Variants in TRMT9B observed in about 807,000 individuals in gnomAD.
The protein encoded by TRMT9B is tRNA methyltransferase 9B (putative).
A neutral mutation model predicts 11.5 loss-of-function variants in TRMT9B; 16 were observed. That is an observed-to-expected ratio of 1.39 (90% CI 0.94 to 2.11). The LOEUF (loss-of-function observed/expected upper bound fraction) is 2.11. Among genes scored for constraint, TRMT9B ranks in the 30% most tolerant of loss-of-function variants. The pLI is 0.00. For synonymous variants in TRMT9B, 274 were observed against 192.4 expected (o/e 1.42, Z -3.51); for missense variants, 941 against 553.8 (o/e 1.70, Z -7.02).
chr8:12,969,909 A>G (rs1803356314), intron 1 of TRMT9B: 1 of 150,580 alleles, frequency 6.6e-6, no homozygotes, highest in South Asian at 2.1e-4. Flanking sequence ...CTGGTCTCAA[A>G]CTGACCTCAA....
chr8:12,959,703 T>G (rs539326071), intron 1 of TRMT9B, among the ~76,000 whole-genome samples: 4 of 151,866 alleles, frequency 2.6e-5, no homozygotes, highest in African/African-American at 9.7e-5. Flanking sequence ...TTAGTTTTTG[T>G]GTATACTAGG....
rs148363392 is a variant in TRMT9B, at chr8:13,027,352, A to T, written c.*5308A>T. 6.0e-6 allele frequency: 1 copy of T among 167,190 alleles called. No homozygotes were observed. The highest frequency in any genetic ancestry group is 2.4e-5 in the African/African-American group (1 of 41,588). The allele number at this position is 167,190 out of a possible 1,614,324, so 10.4% of individuals were successfully genotyped here. Reference sequence around the variant, plus strand: ...ACAACAAACAACCCTCCCTTAGAGAATCATGATGCATATTAGCATATTTAA... The same window carrying T: ...ACAACAAACAACCCTCCCTTAGAGATTCATGATGCATATTAGCATATTTAA... On this transcript the variant is annotated 3_prime_UTR_variant, in exon 5 of 5. Transcript: ENST00000524591.
rs1159065975 is a variant in TRMT9B at position 13,026,110 on chromosome 8, C to T, written c.*4066C>T. 6.0e-6 allele frequency: 1 copy of T among 166,958 alleles called. No homozygotes were observed. The highest frequency in any genetic ancestry group is 1.5e-5 in the Non-Finnish European group (1 of 68,104). 10.3% of individuals were successfully genotyped at this position (166,958 alleles called of 1,614,324 possible). On this transcript the variant is annotated 3_prime_UTR_variant, in exon 5 of 5. Transcript: ENST00000524591. The stretch of plus-strand genomic sequence containing the variant: ...AGGTTAAATATGAGCTGTGAGCCCC[C>T]AGTTTTGGAGGAAGGAGGAAATGGG...
intron 1 of TRMT9B, among the ~76,000 whole-genome samples, chr8:12,974,005 T>TAAA (rs151131766): frequency 6.6e-6 from 1 of 151,646 alleles, no homozygotes; most frequent in East Asian, 1.9e-4. Context: ...AAAAATATAT[T>TAAA]AAAATTTTTT....
chr8:13,021,165 G>C lies in TRMT9B; in HGVS notation c.486G>C (p.Arg162Ser), dbSNP rs200382219. 44 of 1,613,938 alleles carry C rather than the reference G, an allele frequency of 2.7e-5. No homozygotes were observed. In the Middle Eastern group the frequency reaches 5.0e-4, roughly 18 times the overall value. ...AAGACGTGCTTGTTCCATGGAACAG[G>C]GCTCTGTGTTCCCAGCTCTTCTCAG... ...EKQDVLVPWN[R>S]ALCSQLFSES... is the part of the protein sequence containing the mutation. The change falls in exon 5 of 5, where the codon AGG becomes AGC. Residue 162 changes from arginine (R) to serine (S), a missense_variant. Transcript: ENST00000524591.
At chr8:12,983,140 A>T (rs1019880838) in intron 1 of TRMT9B, among the ~76,000 whole-genome samples, 5 of 152,324 alleles carry the variant, frequency 3.3e-5, no homozygotes, top group African/African-American at 4.8e-5. Context: ...AGTAACACTG[A>T]TGAGAAAAAG....
At chr8:12,976,223 A>G (rs1392803745) in intron 1 of TRMT9B, among the ~76,000 whole-genome samples, 1 of 152,154 alleles carries the variant, frequency 6.6e-6, no homozygotes, top group Non-Finnish European at 1.5e-5. Context: ...TCTATGTATA[A>G]CAAAGCCACT....
chr8:13,018,790 T>C (rs1329655178), intron 4 of TRMT9B, among the ~76,000 whole-genome samples: 1 of 152,208 alleles, frequency 6.6e-6, no homozygotes, highest in Admixed American at 6.5e-5. Context: ...AACGAAGTTA[T>C]CTAACTCGTA....
chr8:12,969,620 T>G (rs1385836192), intron 1 of TRMT9B, among the ~76,000 whole-genome samples: 1 of 152,094 alleles, frequency 6.6e-6, no homozygotes, highest in African/African-American at 2.4e-5. Context: ...TATTTTTTAT[T>G]TTTTCCTAAT....
intron 3 of TRMT9B, among the ~76,000 whole-genome samples, chr8:13,008,788 G>C (rs546307619): frequency 2.0e-4 from 30 of 152,278 alleles, no homozygotes; most frequent in African/African-American, 6.7e-4. Context: ...GAGTGCAGGG[G>C]CGCCATCTCG....
At chr8:12,970,084 A>G (rs1026198514) in intron 1 of TRMT9B, 2 of 152,232 alleles carry the variant, frequency 1.3e-5, no homozygotes, top group Admixed American at 1.3e-4. Context: ...TGGTGACCTC[A>G]CTGTTGCTGA....
chr8:12,964,659 C>T (rs968966598), intron 1 of TRMT9B, among the ~76,000 whole-genome samples: 3 of 152,210 alleles, frequency 2.0e-5, no homozygotes, highest in Admixed American at 6.5e-5. Context: ...ATTGTAGCCT[C>T]AAACTCCCGG....
chr8:13,004,133 A>G (rs1183386531), intron 2 of TRMT9B, among the ~76,000 whole-genome samples: 1 of 151,860 alleles, frequency 6.6e-6, no homozygotes, highest in Non-Finnish European at 1.5e-5. Flanking sequence ...GCCAGAGGGG[A>G]ATTGCTGGTC....
chr8:12,962,562 C>G (rs903567528), intron 1 of TRMT9B, among the ~76,000 whole-genome samples: 1 of 152,090 alleles, frequency 6.6e-6, no homozygotes, highest in Admixed American at 6.6e-5. Flanking sequence ...GTGATCTTGG[C>G]TCACTGCAAC....
rs113485357 is a variant in TRMT9B, at chr8:13,028,622, C to T, written c.*6578C>T. ...ACAGTGTCTCACTCTGTCACCCAGG[C>T]TGGAGGGCAGTAGTGCAGTCTCAGC... On this transcript the variant is annotated 3_prime_UTR_variant, in exon 5 of 5. Coordinates refer to ENST00000524591, the MANE Select transcript of TRMT9B (RefSeq NM_020844.3). 2,764 of 141,492 alleles carry T rather than the reference C, an allele frequency of 0.02. 66 individuals carry two copies. The highest frequency in any genetic ancestry group is 0.053 in the African/African-American group (1,981 of 37,390). 8.8% of individuals were successfully genotyped at this position (141,492 alleles called of 1,614,324 possible).
intron 1 of TRMT9B, among the ~76,000 whole-genome samples, chr8:12,974,574 A>T (rs1287177278): frequency 2.0e-5 from 3 of 152,226 alleles, no homozygotes; most frequent in Non-Finnish European, 4.4e-5. Context: ...GCCTCGTTCC[A>T]GACAACAGGT....
intron 1 of TRMT9B, among the ~76,000 whole-genome samples, chr8:12,974,653 C>T (rs564042707): frequency 5.7e-4 from 86 of 150,946 alleles, no homozygotes; most frequent in Non-Finnish European, 3.1e-4. Context: ...GTACTGCCTG[C>T]GTTGCAGTGA....
intron 1 of TRMT9B, among the ~76,000 whole-genome samples, chr8:12,984,393 C>A (rs1314445897): frequency 1.3e-5 from 2 of 152,184 alleles, no homozygotes. Flanking sequence ...CACGTTTCCC[C>A]TTAATTCAGC....
intron 1 of TRMT9B, among the ~76,000 whole-genome samples, chr8:12,947,177 AG>A: frequency 6.6e-6 from 1 of 152,162 alleles, no homozygotes; most frequent in Non-Finnish European, 1.5e-5. Context: ...GAGGCCATAA[AG>A]CTTGAGCTTT....
Sources: allele counts gnomAD v4.1 joint callset (sites outside exome capture counted in the v4.1 genomes callset), GRCh38; gene constraint gnomAD v4.1.1; transcripts MANE v1.5; gene names NCBI Gene and HGNC (gene_info 2026-07-23, HGNC 2026-07-21).